BCL2L14: variants seen among roughly 807,000 people sequenced by gnomAD.
BCL2L14 encodes the protein apoptosis facilitator Bcl-2-like protein 14.
In BCL2L14, 27 loss-of-function variants were observed where a neutral mutation model predicts 35.3. The ratio of observed to expected loss-of-function variants is 0.76; its 90% CI spans 0.56 to 1.05. The LOEUF (loss-of-function observed/expected upper bound fraction) is 1.05, where lower values mean the gene tolerates loss of function less well. Among genes scored for constraint, BCL2L14 ranks in the 50% least tolerant of loss-of-function variants. The pLI is 0.00. For missense variants in BCL2L14, 377 were observed against 382.6 expected (o/e 0.99, Z 0.12); for synonymous variants, 139 against 145.9 (o/e 0.95, Z 0.34).
At chr12:12,078,645 A>G (rs955849605) in intron 1 of BCL2L14, among the ~76,000 whole-genome samples, 2 of 152,088 alleles carry the variant, frequency 1.3e-5, no homozygotes, top group Non-Finnish European at 2.9e-5. Context: ...GCCCTGTTGT[A>G]GCCCCAATAT....
intron 2 of BCL2L14, among the ~76,000 whole-genome samples, chr12:12,083,615 C>T (rs1344231132): frequency 6.6e-6 from 1 of 152,120 alleles, no homozygotes; most frequent in Non-Finnish European, 1.5e-5. Flanking sequence ...TTTGGCAGCT[C>T]AGGCATGATA....
intron 1 of BCL2L14, among the ~76,000 whole-genome samples, chr12:12,074,228 C>T (rs1165926637): frequency 6.6e-6 from 1 of 152,038 alleles, no homozygotes; most frequent in Non-Finnish European, 1.5e-5. Flanking sequence ...GTCCTATAAT[C>T]ATTCATTCAG....
upstream of BCL2L14, among the ~76,000 whole-genome samples, chr12:12,069,398 A>C (rs1444571251): frequency 6.6e-6 from 1 of 151,986 alleles, no homozygotes; most frequent in Non-Finnish European, 1.5e-5. Flanking sequence ...TCTCCCCCCA[A>C]AAAAAGGTTG....
intron 3 of BCL2L14, among the ~76,000 whole-genome samples, chr12:12,090,290 T>C (rs1331521608): frequency 6.6e-6 from 1 of 152,054 alleles, no homozygotes; most frequent in African/African-American, 2.4e-5. Context: ...CTAGTATGGT[T>C]TGTGTCTGGG....
chr12:12,081,268 C>A (rs1948918367), intron 2 of BCL2L14, among the ~76,000 whole-genome samples: 1 of 151,856 alleles, frequency 6.6e-6, no homozygotes, highest in South Asian at 2.1e-4. Context: ...GGCATCATAG[C>A]AAGACCCTGT....
At chr12:12,069,002 C>T (rs542430870), upstream of BCL2L14, among the ~76,000 whole-genome samples, 1 of 152,264 alleles carries the variant, frequency 6.6e-6, no homozygotes, top group South Asian at 2.1e-4. Flanking sequence ...AGGGTAACTT[C>T]CAGACATTGC....
chr12:12,062,774 T>A lies in BCL2L14; in HGVS notation c.-272+10927T>A, dbSNP rs948563856. Among the ~76,000 whole-genome samples, 895 of 152,286 alleles carry A rather than the reference T, an allele frequency of 5.9e-3. 8 individuals carry two copies. The highest frequency in any genetic ancestry group is 0.024 in the Middle Eastern group (7 of 294). ...TTCCTCAGTTTAGCCTTCCCACCTC[T>A]ATACAGTCTGATAACAGACGAGCCT... On this transcript the variant is annotated intron_variant, in intron 2 of 3. Coordinates refer to the BCL2L14 transcript ENST00000461264.
intron 2 of BCL2L14, among the ~76,000 whole-genome samples, chr12:12,065,077 A>C (rs1181491586): frequency 6.6e-6 from 1 of 152,256 alleles, no homozygotes; most frequent in Non-Finnish European, 1.5e-5. Context: ...GGGGCCCTGC[A>C]AATTAGACTG....
intron 2 of BCL2L14, chr12:12,055,239 G>C (rs1670888617): frequency 6.6e-6 from 1 of 152,172 alleles, no homozygotes; most frequent in Admixed American, 6.5e-5. Context: ...CATCTGAAAA[G>C]TTTTGTAATT....
chr12:12,081,688 A>G (rs1346771881), intron 2 of BCL2L14, among the ~76,000 whole-genome samples: 1 of 151,792 alleles, frequency 6.6e-6, no homozygotes, highest in East Asian at 1.9e-4. Context: ...CCTCCTGAGT[A>G]GCTGGGATCA....
chr12:12,083,449 T>C (rs11054671), intron 2 of BCL2L14, among the ~76,000 whole-genome samples: 15,630 of 152,264 alleles, frequency 0.1, 1,061 homozygotes, highest in African/African-American at 0.18. Flanking sequence ...CCAGGCTCTT[T>C]CACTTGTGAA....
At chr12:12,079,773 T>C in intron 2 of BCL2L14, 35 bp downstream of exon 2, 18 of 1,590,512 alleles carry the variant, frequency 1.1e-5, no homozygotes, top group Non-Finnish European at 1.5e-5. Flanking sequence ...TCCCGCTTCC[T>C]GGTTTTTCCC....
At chr12:12,058,450 C>T (rs368532862) in intron 2 of BCL2L14, among the ~76,000 whole-genome samples, 9 of 152,122 alleles carry the variant, frequency 5.9e-5, no homozygotes, top group South Asian at 2.1e-4. Flanking sequence ...GGGTTTCAGA[C>T]GGGGTTGGCC....
At chr12:12,061,091 A>C (rs1165314335) in intron 2 of BCL2L14, among the ~76,000 whole-genome samples, 1 of 107,968 alleles carries the variant, frequency 9.3e-6, no homozygotes, top group African/African-American at 3.7e-5. Flanking sequence ...AACTTAGACA[A>C]TACTCTTTTA....
intron 2 of BCL2L14, among the ~76,000 whole-genome samples, chr12:12,059,965 G>T (rs1948495943): frequency 6.6e-6 from 1 of 151,982 alleles, no homozygotes; most frequent in Non-Finnish European, 1.5e-5. Flanking sequence ...TGTTCCCAAT[G>T]CAACTCATCA....
At chr12:12,062,706 G>A (rs190997606) in intron 2 of BCL2L14, among the ~76,000 whole-genome samples, 56 of 152,094 alleles carry the variant, frequency 3.7e-4, no homozygotes, top group African/African-American at 1.3e-3. Context: ...TACAGGGTCT[G>A]AGAAGGCCAC....
chr12:12,089,424 G>A (rs981284499), intron 3 of BCL2L14, among the ~76,000 whole-genome samples: 5 of 150,660 alleles, frequency 3.3e-5, no homozygotes, highest in African/African-American at 1.2e-4. Flanking sequence ...GCCTGGGCAC[G>A]GTGGCTTACG....
intron 2 of BCL2L14, among the ~76,000 whole-genome samples, chr12:12,056,692 G>T (rs1565437759): frequency 6.6e-6 from 1 of 152,180 alleles, no homozygotes; most frequent in Non-Finnish European, 1.5e-5. Flanking sequence ...AGTTAGCTGG[G>T]CGTGGTGGTA....
At chr12:12,077,616 C>A (rs559689696) in intron 1 of BCL2L14, 33 of 151,742 alleles carry the variant, frequency 2.2e-4, no homozygotes, top group Non-Finnish European at 3.7e-4. Context: ...CACTTTTGAA[C>A]CAGGTTCTGT....
Sources: allele counts gnomAD v4.1 joint callset (sites outside exome capture counted in the v4.1 genomes callset), GRCh38; gene constraint gnomAD v4.1.1; transcripts MANE v1.5; gene names NCBI Gene and HGNC (gene_info 2026-07-23, HGNC 2026-07-21).